PTPRD: variants seen among roughly 807,000 people sequenced by gnomAD.
PTPRD encodes protein tyrosine phosphatase receptor type D.
A neutral mutation model predicts 214.5 loss-of-function variants in PTPRD; 34 were observed. The ratio of observed to expected loss-of-function variants is 0.16; its 90% CI spans 0.12 to 0.21. The LOEUF (loss-of-function observed/expected upper bound fraction) is 0.21, where lower values mean the gene tolerates loss of function less well. Among genes scored for constraint, PTPRD ranks in the 10% least tolerant of loss-of-function variants. The pLI, the probability that PTPRD is intolerant of heterozygous loss-of-function variation, is 1.00. For synonymous variants in PTPRD, 1,128 were observed against 845.7 expected (o/e 1.33, Z -5.79); for missense variants, 2,545 against 2,398.7 (o/e 1.06, Z -1.27).
At position 10,198,347 on chromosome 9, in the gene PTPRD, T is replaced by G. The variant is rs149260046; in HGVS notation, c.-545+142616A>C. ...GAGTATATGCTGTGAAAAACAGGAGTAGTGGTCAGGCATGAATGATAGTGC... is the reference window on the plus strand; with the variant it reads ...GAGTATATGCTGTGAAAAACAGGAGGAGTGGTCAGGCATGAATGATAGTGC... On this transcript the variant is annotated intron_variant, in intron 3 of 45. Transcript: ENST00000381196. Among the ~76,000 whole-genome samples, 9 of 151,692 alleles carry G rather than the reference T, an allele frequency of 5.9e-5. No individual in the cohort carries two copies. The East Asian group carries it at 1.6e-3, about 26-fold the overall frequency.
chr9:8,346,642 T>C (rs534514969), intron 39 of PTPRD, among the ~76,000 whole-genome samples: 3 of 152,256 alleles, frequency 2.0e-5, no homozygotes, highest in African/African-American at 7.2e-5. Flanking sequence ...GGTTATCCGA[T>C]GGACTGCCCT....
chr9:9,234,413 C>T (rs2099965230), intron 9 of PTPRD, among the ~76,000 whole-genome samples: 1 of 152,152 alleles, frequency 6.6e-6, no homozygotes, highest in Non-Finnish European at 1.5e-5. Flanking sequence ...ACAGGGACTG[C>T]TGTGAAGGTC....
At chr9:8,941,792 T>TTGTC (rs1321574524) in intron 11 of PTPRD, among the ~76,000 whole-genome samples, 1 of 44,690 alleles carries the variant, frequency 2.2e-5, no homozygotes. Flanking sequence ...AATAAAGGTC[T>TTGTC]TGTTTGTTTG....
rs2097023094 is a variant in PTPRD, at chr9:9,679,671, G to A, written c.-287+54862C>T. 4.6e-5 allele frequency among the ~76,000 whole-genome samples: 7 copies of A among 151,812 alleles called. No homozygotes were observed. In the Admixed American group the frequency reaches 4.6e-4, roughly 10 times the overall value. On this transcript the variant is annotated intron_variant, in intron 7 of 45. Coordinates refer to ENST00000381196, the MANE Select transcript of PTPRD (RefSeq NM_002839.4). ...CAGGTCAAAGTAGCTGGGTGCCCTA[G>A]ATTCTCCAACTTGTTAGCGATTAAC...
intron 3 of PTPRD, among the ~76,000 whole-genome samples, chr9:10,034,693 G>A (rs2097146402): frequency 6.6e-6 from 1 of 151,876 alleles, no homozygotes; most frequent in Admixed American, 6.6e-5. Context: ...TTCTGTTCCT[G>A]CTTTAGTTTT....
intron 14 of PTPRD, among the ~76,000 whole-genome samples, chr9:8,613,124 G>C (rs1179041076): frequency 2.6e-5 from 4 of 152,180 alleles, no homozygotes; most frequent in African/African-American, 9.7e-5. Flanking sequence ...GCTGGGCAAA[G>C]GGTAGGATGT....
intron 14 of PTPRD, among the ~76,000 whole-genome samples, chr9:8,574,206 G>C (rs921899016): frequency 1.3e-5 from 2 of 151,916 alleles, no homozygotes; most frequent in Non-Finnish European, 2.9e-5. Flanking sequence ...GAAGAAAATG[G>C]TAGTTGCTTC....
At chr9:9,230,347 G>A (rs2099962324) in intron 9 of PTPRD, among the ~76,000 whole-genome samples, 1 of 152,078 alleles carries the variant, frequency 6.6e-6, no homozygotes, top group African/African-American at 2.4e-5. Context: ...TCAAAATGCT[G>A]GGAGGGTGGC....
intron 14 of PTPRD, among the ~76,000 whole-genome samples, chr9:8,546,123 TA>T (rs1181211308): frequency 3.3e-5 from 5 of 152,208 alleles, no homozygotes; most frequent in Non-Finnish European, 7.3e-5. Flanking sequence ...ATCTCAATCT[TA>T]AAATGACAGT....
chr9:10,494,665 G>A (rs570508235), intron 2 of PTPRD, among the ~76,000 whole-genome samples: 11 of 150,238 alleles, frequency 7.3e-5, no homozygotes, highest in Non-Finnish European at 1.0e-4. Context: ...TTAAACACAG[G>A]TAATTGTAAA....
rs1235173065 is a variant in PTPRD, at chr9:8,499,626, TA to T, written c.2322+20del. Reference sequence around the variant, plus strand: ...TAAACTTATTATATAAAAACAGAGGTACATAATTTCAGAGGCTTACCTGTGC... The same window carrying T: ...TAAACTTATTATATAAAAACAGAGGTCATAATTTCAGAGGCTTACCTGTGC... On this transcript the variant is annotated intron_variant, in intron 25 of 45. Transcript: ENST00000381196. The T allele has an allele frequency of 1.3e-6, 2 of 1,598,300 alleles. No homozygotes were observed. Among genetic ancestry groups the T allele is most frequent in the Non-Finnish European group, 1.7e-6 (2 of 1,175,504 alleles).
At chr9:8,434,554 G>T (rs991182592) in intron 35 of PTPRD, among the ~76,000 whole-genome samples, 2 of 152,112 alleles carry the variant, frequency 1.3e-5, no homozygotes, top group African/African-American at 4.8e-5. Context: ...AAGTTATATT[G>T]GTGGAGAGTG....
intron 4 of PTPRD, among the ~76,000 whole-genome samples, chr9:9,947,037 A>C (rs1461892854): frequency 6.6e-6 from 1 of 151,358 alleles, no homozygotes; most frequent in African/African-American, 2.4e-5. Flanking sequence ...AGAAAAATGA[A>C]GTTTTTATCC....
intron 8 of PTPRD, among the ~76,000 whole-genome samples, chr9:9,478,236 G>T (rs1305314840): frequency 2.0e-5 from 3 of 152,160 alleles, no homozygotes; most frequent in African/African-American, 7.2e-5. Flanking sequence ...TTATGCTACA[G>T]ATTAACTGCA....
chr9:8,527,465 T>C, intron 15 of PTPRD, 112 bp from the exon 16 acceptor site: 1 of 898,238 alleles, frequency 1.1e-6, no homozygotes, highest in East Asian at 2.6e-5. Flanking sequence ...ATCATCTATG[T>C]TACATGTGAA....
chr9:10,544,791 A>ATG (rs1198062698), intron 2 of PTPRD, among the ~76,000 whole-genome samples: 1 of 152,198 alleles, frequency 6.6e-6, no homozygotes, highest in Non-Finnish European at 1.5e-5. Context: ...TTTCACTTTA[A>ATG]TGCTTATCAG....
intron 9 of PTPRD, among the ~76,000 whole-genome samples, chr9:9,268,918 A>G (rs927127837): frequency 6.6e-6 from 1 of 151,108 alleles, no homozygotes; most frequent in Non-Finnish European, 1.5e-5. Context: ...AAGAAAACAT[A>G]GAAGAAAAGC....
intron 2 of PTPRD, among the ~76,000 whole-genome samples, chr9:10,410,599 C>T (rs1280034859): frequency 6.6e-6 from 1 of 151,538 alleles, no homozygotes; most frequent in Non-Finnish European, 1.5e-5. Context: ...TAGCTTCTTA[C>T]ATCAAATCTA....
At chr9:9,312,607 G>T (rs1959523003) in intron 9 of PTPRD, among the ~76,000 whole-genome samples, 1 of 152,120 alleles carries the variant, frequency 6.6e-6, no homozygotes, top group Admixed American at 6.6e-5. Flanking sequence ...GTCACAGTGA[G>T]TGAATGTGGG....
Sources: allele counts gnomAD v4.1 joint callset (sites outside exome capture counted in the v4.1 genomes callset), GRCh38; gene constraint gnomAD v4.1.1; transcripts MANE v1.5; gene names NCBI Gene and HGNC (gene_info 2026-07-23, HGNC 2026-07-21).